The following DOCK8 variants were observed in gnomAD, a reference collection of about 807,000 sequenced individuals.
DOCK8 encodes dedicator of cytokinesis 8.
In DOCK8, 141 loss-of-function variants were observed where a neutral mutation model predicts 245.6. The ratio of observed to expected loss-of-function variants is 0.57; its 90% CI spans 0.50 to 0.66. The LOEUF (loss-of-function observed/expected upper bound fraction) is 0.66. DOCK8 is among the 30% of genes least tolerant of loss of function. DOCK8 has a pLI of 0.00. For synonymous variants in DOCK8, 1,168 were observed against 970.2 expected, an observed-to-expected ratio of 1.20 and a Z score of -3.79; for missense variants, 2,965 against 2,603.4, an observed-to-expected ratio of 1.14 and a Z score of -3.02.
intron 4 of DOCK8, among the ~76,000 whole-genome samples, chr9:297,930 T>C (rs765023770): frequency 6.6e-6 from 1 of 152,338 alleles, no homozygotes; most frequent in South Asian, 2.1e-4. Flanking sequence ...CATTGTGAAC[T>C]GAACTTTTAA....
chr9:357,620 T>C (rs1185294672), intron 14 of DOCK8, among the ~76,000 whole-genome samples: 1 of 152,142 alleles, frequency 6.6e-6, no homozygotes, highest in South Asian at 2.1e-4. Context: ...CTGCATTTGC[T>C]GTTTGTGAGG....
intron 28 of DOCK8, among the ~76,000 whole-genome samples, chr9:410,772 A>T (rs1418445641): frequency 2.6e-5 from 4 of 152,244 alleles, no homozygotes; most frequent in Non-Finnish European, 4.4e-5. Flanking sequence ...GGAAATCCGC[A>T]AGATGAAAAG....
chr9:225,093 C>T (rs377031859), intron 1 of DOCK8, among the ~76,000 whole-genome samples: 1 of 152,158 alleles, frequency 6.6e-6, no homozygotes, highest in African/African-American at 2.4e-5. Context: ...TATTTTATTG[C>T]CTATGACTTC....
intron 3 of DOCK8, among the ~76,000 whole-genome samples, chr9:288,662 C>G (rs1020604300): frequency 1.3e-5 from 2 of 152,188 alleles, no homozygotes; most frequent in African/African-American, 2.4e-5. Flanking sequence ...GGCACTCTTA[C>G]TACTCTAACA....
intron 1 of DOCK8, among the ~76,000 whole-genome samples, chr9:257,259 G>T (rs556697822): frequency 1.3e-5 from 2 of 152,268 alleles, no homozygotes; most frequent in South Asian, 4.1e-4. Flanking sequence ...GTTAAATTTG[G>T]CTACATAGCA....
At chr9:426,815 A>G (rs1467397093) in intron 33 of DOCK8, 70 bp from the exon 34 acceptor site, 3 of 1,225,340 alleles carry the variant, frequency 2.4e-6, no homozygotes, top group Admixed American at 1.7e-5. Flanking sequence ...ACCTTGGTGT[A>G]TAGATTGCCA....
At chr9:271,519 G>T (rs755694284) in intron 1 of DOCK8, 108 bp from the exon 2 acceptor site, 28 of 862,838 alleles carry the variant, frequency 3.2e-5, no homozygotes, top group Non-Finnish European at 5.2e-5. Flanking sequence ...TCTGCTCATT[G>T]CCCAGCCAAG....
chr9:235,757 G>A (rs547293293), intron 1 of DOCK8, among the ~76,000 whole-genome samples: 5 of 152,132 alleles, frequency 3.3e-5, no homozygotes, highest in Non-Finnish European at 4.4e-5. Flanking sequence ...TTGGAAAAGC[G>A]CAGTATTAGG....
At chr9:425,107 A>G (rs1227547251) in intron 33 of DOCK8, among the ~76,000 whole-genome samples, 5 of 152,374 alleles carry the variant, frequency 3.3e-5, no homozygotes, top group African/African-American at 7.2e-5. Context: ...TATATTAAAA[A>G]TAATTTCACT....
In DOCK8 at chr9:457,654, G is replaced by C. The variant is rs984529497; in HGVS notation, c.6068+5537G>C. On this transcript the variant is annotated intron_variant, in intron 46 of 47. Transcript: ENST00000432829. The stretch of plus-strand genomic sequence containing the variant: ...TCCCACAGGTATGTGACTGGACAGG[G>C]CACTTCACCTCTTTGCATGTTAGTT... Among the ~76,000 whole-genome samples, 4 of 152,178 alleles carry C rather than the reference G, an allele frequency of 2.6e-5. No individual in the cohort carries two copies. In the East Asian group the frequency reaches 7.7e-4, roughly 29 times the overall value.
chr9:432,118 A>G, intron 36 of DOCK8, 48 bp from the exon 37 acceptor site: 1 of 1,597,012 alleles, frequency 6.3e-7, no homozygotes, highest in Non-Finnish European at 8.6e-7. Flanking sequence ...ATCTACTGCT[A>G]AGTGTGTCTT....
At chr9:270,024 C>G (rs1269711204) in intron 1 of DOCK8, among the ~76,000 whole-genome samples, 2 of 152,194 alleles carry the variant, frequency 1.3e-5, no homozygotes, top group African/African-American at 4.8e-5. Context: ...TCTCCACATC[C>G]TTGCAAACAC....
At chr9:230,863 C>A (rs1489658209) in intron 1 of DOCK8, among the ~76,000 whole-genome samples, 1 of 152,100 alleles carries the variant, frequency 6.6e-6, no homozygotes, top group Non-Finnish European at 1.5e-5. Context: ...CCTGTTCACT[C>A]TGATGGTAGT....
At chr9:405,633 A>T (rs192099700) in intron 27 of DOCK8, among the ~76,000 whole-genome samples, 4 of 152,214 alleles carry the variant, frequency 2.6e-5, no homozygotes, top group African/African-American at 9.6e-5. Flanking sequence ...CTTTAAGAAC[A>T]TGCTGTTTGA....
In DOCK8 at chr9:441,885, G is replaced by C; in HGVS notation, c.5366G>C (p.Arg1789Thr). ...TATTTTGTTCCTCAGGATCATAAGA[G>C]AATGTTTGGAACCTACTTCCGAGTT... is the stretch of plus-strand genomic sequence containing the variant. ...FDSIVNKDHK[R>T]MFGTYFRVGF... Residue 1789 changes from arginine (R) to threonine (T), a missense_variant, in exon 42 of 48, where the codon AGA (arginine) becomes ACA (threonine). Arg to Thr is a moderately conservative substitution (Grantham distance 71, BLOSUM62 -1). Coordinates refer to ENST00000432829, the MANE Select transcript of DOCK8 (RefSeq NM_203447.4). 1 of 1,614,122 alleles carries C rather than the reference G, an allele frequency of 6.2e-7. No individual in the cohort carries two copies.
chr9:242,698 G>GT (rs1680211866), intron 1 of DOCK8, among the ~76,000 whole-genome samples: 1 of 152,052 alleles, frequency 6.6e-6, no homozygotes, highest in African/African-American at 2.4e-5. Context: ...CCAAACCCAT[G>GT]TTTTTAACCA....
intron 7 of DOCK8, among the ~76,000 whole-genome samples, chr9:323,986 A>T (rs560296542): frequency 4.2e-4 from 64 of 152,358 alleles, no homozygotes; most frequent in Admixed American, 1.5e-3. Context: ...TGTTTTTAAG[A>T]TACATTCACA....
chr9:214,130 G>C (rs974741092), upstream of DOCK8: 4 of 256,824 alleles, frequency 1.6e-5, no homozygotes, highest in African/African-American at 2.3e-5. Flanking sequence ...ACCTTGAAGC[G>C]AACACGGGCT....
At chr9:286,024 C>T (rs1287913992) in intron 2 of DOCK8, among the ~76,000 whole-genome samples, 1 of 152,204 alleles carries the variant, frequency 6.6e-6, no homozygotes, top group Non-Finnish European at 1.5e-5. Context: ...TGTGCCTAAA[C>T]ACTCAGCCAA....
Sources: gnomAD v4.1 joint callset for allele counts (sites outside exome capture counted in the v4.1 genomes callset) on GRCh38, gnomAD v4.1.1 for gene constraint, MANE v1.5 for transcripts, NCBI Gene and HGNC (gene_info 2026-07-23, HGNC 2026-07-21) for gene names.